RYR3: variants seen among roughly 807,000 people sequenced by gnomAD.
The protein encoded by RYR3 is ryanodine receptor 3.
RYR3 carries 207 observed loss-of-function variants against 584.3 expected under a neutral mutation model. That is an observed-to-expected ratio of 0.35 (90% CI 0.32 to 0.40). The LOEUF (loss-of-function observed/expected upper bound fraction) is 0.40, where lower values mean the gene tolerates loss of function less well. RYR3 is among the 10% of genes least tolerant of loss of function. The pLI is 1.00. For synonymous variants in RYR3, 2,416 were observed against 2,248.5 expected (o/e 1.07, Z -2.11); for missense variants, 5,616 against 6,089.2 (o/e 0.92, Z 2.59).
intron 1 of RYR3, among the ~76,000 whole-genome samples, chr15:33,343,858 A>G (rs1972118641): frequency 6.6e-6 from 1 of 152,278 alleles, no homozygotes; most frequent in East Asian, 1.9e-4. Flanking sequence ...CTTGAGAAAG[A>G]TGTCTTGGGC....
At chr15:33,387,473 G>A (rs2041685010) in intron 1 of RYR3, among the ~76,000 whole-genome samples, 2 of 152,088 alleles carry the variant, frequency 1.3e-5, no homozygotes, top group Admixed American at 1.3e-4. Flanking sequence ...TCCAATTTCT[G>A]CACATCCTCA....
chr15:33,753,989 C>G (rs539974187), intron 57 of RYR3, among the ~76,000 whole-genome samples: 2 of 152,164 alleles, frequency 1.3e-5, no homozygotes, highest in South Asian at 4.1e-4. Context: ...ACTAAAAATA[C>G]AAAAAATTAG....
At position 33,635,717 on chromosome 15, in the gene RYR3, G is replaced by A. The variant is rs1387474596; in HGVS notation, c.3279G>A (p.Val1093=). ...RSGKWYFEFE[V]VTGGDMRVGW... is the part of the protein sequence containing the mutation. The stretch of plus-strand genomic sequence containing the variant: ...GAAAGTGGTATTTTGAGTTTGAAGT[G>A]GTGACTGGAGGAGACATGCGAGTCG... Residue 1093 remains valine (V), a synonymous_variant, in exon 26 of 104, where the codon GTG becomes GTA. Transcript: ENST00000634891. The A allele has an allele frequency of 6.2e-7, 1 of 1,613,940 alleles. No individual in the cohort carries two copies. The highest frequency in any genetic ancestry group is 8.5e-7 in the Non-Finnish European group (1 of 1,179,854).
intron 38 of RYR3, among the ~76,000 whole-genome samples, chr15:33,678,637 GC>G (rs1353106903): frequency 6.6e-6 from 1 of 152,226 alleles, no homozygotes; most frequent in Non-Finnish European, 1.5e-5. Context: ...AGCCAAGGAA[GC>G]CGATATAGAA....
chr15:33,806,188 C>T (rs2076198496), intron 69 of RYR3, among the ~76,000 whole-genome samples: 2 of 152,170 alleles, frequency 1.3e-5, no homozygotes, highest in Admixed American at 6.5e-5. Context: ...TGTGCTGTCC[C>T]CTTGTGATGT....
At chr15:33,696,150 G>A (rs1481870628) in intron 38 of RYR3, 68 bp from the exon 39 acceptor site, 2 of 1,468,662 alleles carry the variant, frequency 1.4e-6, no homozygotes, top group Non-Finnish European at 1.9e-6. Flanking sequence ...TGCATGAAGT[G>A]GCTGAAACAC....
intron 89 of RYR3, chr15:33,840,602 T>C (rs2078297621): frequency 3.4e-6 from 2 of 588,450 alleles, no homozygotes; most frequent in South Asian, 4.2e-5. Flanking sequence ...GAGTAAGTTA[T>C]AGAAGGGAGG....
intron 1 of RYR3, among the ~76,000 whole-genome samples, chr15:33,385,694 T>C (rs1378425264): frequency 1.1e-5 from 1 of 91,374 alleles, no homozygotes; most frequent in Admixed American, 1.3e-4. Flanking sequence ...CTTTTCTTTT[T>C]TTTTCTTTTT....
At chr15:33,385,832 T>C (rs1425664831) in intron 1 of RYR3, among the ~76,000 whole-genome samples, 2 of 151,426 alleles carry the variant, frequency 1.3e-5, no homozygotes, top group African/African-American at 4.9e-5. Context: ...GCCTCCCAAG[T>C]AGCTGGGATT....
intron 22 of RYR3, 99 bp downstream of exon 22, chr15:33,630,142 G>T: frequency 1.5e-6 from 1 of 647,168 alleles, no homozygotes; most frequent in Non-Finnish European, 2.6e-6. Context: ...TGAAAACGTG[G>T]CACATTCTGA....
chr15:33,628,053 G>A (rs2061081321), intron 20 of RYR3, among the ~76,000 whole-genome samples: 1 of 152,140 alleles, frequency 6.6e-6, no homozygotes, highest in Admixed American at 6.5e-5. Flanking sequence ...TTCAGCTTTG[G>A]GTAACATATT....
At position 33,840,860 on chromosome 15, in the gene RYR3, A is replaced by C; in HGVS notation, c.13014A>C (p.Gly4338=). Residue 4338 remains glycine (G), a synonymous_variant, in exon 90 of 104, where the codon GGA becomes GGC. Coordinates refer to ENST00000634891, the MANE Select transcript of RYR3 (RefSeq NM_001036.6). Reference sequence around the variant, plus strand: ...TGAAAGCAGCAAATGAAGCAGAAGGAAAAGTAGAATCCGAGAAGGCAGAGT... The same window carrying C: ...TGAAAGCAGCAAATGAAGCAGAAGGCAAAGTAGAATCCGAGAAGGCAGAGT... ...AEMKAANEAE[G]KVESEKADME... 6.2e-7 allele frequency: 1 copy of C among 1,613,948 alleles called. No homozygotes were observed. Among genetic ancestry groups the C allele is most frequent in the Non-Finnish European group, 8.5e-7 (1 of 1,179,850 alleles).
At chr15:33,331,051 G>T (rs754508931) in intron 1 of RYR3, among the ~76,000 whole-genome samples, 67 of 152,238 alleles carry the variant, frequency 4.4e-4, no homozygotes, top group Admixed American at 1.9e-3. Context: ...TGTTTGGTTG[G>T]TTGGTTGGTT....
chr15:33,756,193 A>T, intron 58 of RYR3, 113 bp from the exon 59 acceptor site: 1 of 746,742 alleles, frequency 1.3e-6, no homozygotes, highest in Non-Finnish European at 2.4e-6. Context: ...TATTTTGTGA[A>T]ATCAGATAGC....
intron 10 of RYR3, among the ~76,000 whole-genome samples, chr15:33,552,510 C>T (rs1265712236): frequency 6.6e-6 from 1 of 152,182 alleles, no homozygotes; most frequent in South Asian, 2.1e-4. Flanking sequence ...GTGCACTTGG[C>T]AATGTGGTTA....
At position 33,699,812 on chromosome 15, in the gene RYR3, G is replaced by A; in HGVS notation, c.6358G>A (p.Glu2120Lys). ...AMFEHLSYLL[E>K]NSSVGLASPS... The stretch of plus-strand genomic sequence containing the variant: ...GTTTGAGCATCTGAGTTATCTTCTG[G>A]AGAATAGCAGTGTTGGCCTAGGTGC... Residue 2120 changes from glutamate to lysine, a missense_variant, in exon 41 of 104, where the codon GAG (glutamate) becomes AAG (lysine). Glu to Lys is a moderately conservative substitution (Grantham distance 56). Around this residue, in one of 9 missense-constraint regions of RYR3, gnomAD observed 1,280 missense variants for 1,426.2 expected, o/e 0.90. Transcript: ENST00000634891. 6.2e-7 allele frequency: 1 copy of A among 1,613,794 alleles called. No homozygotes were observed. The highest frequency in any genetic ancestry group is 8.5e-7 in the Non-Finnish European group (1 of 1,179,768).
intron 1 of RYR3, among the ~76,000 whole-genome samples, chr15:33,356,999 G>C (rs1974073517): frequency 6.6e-6 from 1 of 152,174 alleles, no homozygotes; most frequent in Admixed American, 6.5e-5. Flanking sequence ...TGTTCTCTTG[G>C]AAGGGTCTTT....
chr15:33,499,930 C>T (rs1449354308), intron 2 of RYR3, among the ~76,000 whole-genome samples: 2 of 152,126 alleles, frequency 1.3e-5, no homozygotes, highest in African/African-American at 2.4e-5. Flanking sequence ...GACAGGGGCT[C>T]GTGACCACGG....
At chr15:33,769,853 G>C (rs2073420954) in intron 62 of RYR3, among the ~76,000 whole-genome samples, 1 of 152,156 alleles carries the variant, frequency 6.6e-6, no homozygotes, top group South Asian at 2.1e-4. Context: ...GGTGGCTGAG[G>C]TGGGAGGATG....
Sources: gnomAD v4.1 joint callset for allele counts (sites outside exome capture counted in the v4.1 genomes callset) on GRCh38, gnomAD v4.1.1 for gene constraint, gnomAD v4.1.1 regional missense constraint, MANE v1.5 for transcripts, NCBI Gene and HGNC (gene_info 2026-07-23, HGNC 2026-07-21) for gene names.